The following TSC22D3 variants were observed in gnomAD, a reference collection of about 807,000 sequenced individuals.
TSC22D3 encodes TSC22 domain family protein 3.
Under a neutral mutation model 11.1 loss-of-function variants are expected in TSC22D3, and 4 were observed. The observed-to-expected ratio is 0.36, with a 90% confidence interval of 0.18 to 0.83. TSC22D3 has a LOEUF of 0.83. TSC22D3 is among the 40% of genes least tolerant of loss of function. TSC22D3 has a pLI of 0.48. For synonymous variants in TSC22D3, 77 were observed against 70.3 expected (o/e 1.10, Z -0.48); for missense variants, 118 against 159.4 (o/e 0.74, Z 1.40).
intron 1 of TSC22D3, among the ~76,000 whole-genome samples, chrX:107,744,563 A>C (rs1469364146): frequency 8.9e-6 from 1 of 112,065 alleles, no homozygotes; most frequent in East Asian, 2.8e-4. Flanking sequence ...CCATACTTAC[A>C]CACATGCTGT....
At chrX:107,744,719 C>T in intron 1 of TSC22D3, among the ~76,000 whole-genome samples, 1 of 111,722 alleles carries the variant, frequency 9.0e-6, no homozygotes, top group Admixed American at 9.5e-5. Flanking sequence ...CTAATTCCTC[C>T]TAAAGCCAGA....
At chrX:107,771,609 T>C (rs189641624) in intron 1 of TSC22D3, among the ~76,000 whole-genome samples, 18 of 109,243 alleles carry the variant, frequency 1.6e-4, no homozygotes, top group Non-Finnish European at 3.0e-4. Flanking sequence ...AATAAACAAA[T>C]AAATAAATAA....
intron 1 of TSC22D3, among the ~76,000 whole-genome samples, chrX:107,767,961 A>G (rs1196796856): frequency 8.9e-6 from 1 of 112,150 alleles, no homozygotes; most frequent in East Asian, 2.8e-4. Context: ...AAAATACCCC[A>G]TCAAATGAAC....
chrX:107,750,431 C>T (rs1197183835), intron 1 of TSC22D3, among the ~76,000 whole-genome samples: 3 of 111,074 alleles, frequency 2.7e-5, no homozygotes, highest in Non-Finnish European at 5.7e-5. Flanking sequence ...AGAAACCTGA[C>T]ACCAGCTCAG....
Position 107,714,430 on chromosome X carries a change from T to C in TSC22D3, c.*89A>G. On this transcript the variant is annotated 3_prime_UTR_variant, in exon 3 of 3. Transcript: ENST00000372383. ...TGTGCTAGGTGTAAAGTTCTCCTCG[T>C]GAGATGATGCTTGGGGAGCCAAAAA... 1 of 849,992 alleles carries C rather than the reference T, an allele frequency of 1.2e-6. No individual in the cohort carries two copies. The highest frequency in any genetic ancestry group is 3.3e-5 in the Admixed American group (1 of 30,635). The allele number at this position is 849,992 out of a possible 1,213,427, so 70.0% of individuals were successfully genotyped here.
intron 1 of TSC22D3, chrX:107,716,174 C>G (rs1034356208): frequency 1.2e-4 from 86 of 691,971 alleles, no homozygotes; most frequent in Non-Finnish European, 1.6e-4. Context: ...GCCGCCGCCC[C>G]GAGTTCCAAC....
intron 1 of TSC22D3, among the ~76,000 whole-genome samples, chrX:107,756,202 C>T (rs1231279628): frequency 3.6e-5 from 4 of 111,935 alleles, no homozygotes; most frequent in Non-Finnish European, 5.6e-5. Context: ...ACTTGTCTAC[C>T]GTTACTTGTC....
intron 1 of TSC22D3, among the ~76,000 whole-genome samples, chrX:107,768,718 C>T (rs1473944274): frequency 1.8e-5 from 2 of 112,717 alleles, no homozygotes; most frequent in African/African-American, 6.5e-5. Flanking sequence ...TCCCATAGGA[C>T]CCTATTCCCA....
chrX:107,734,548 G>C (rs1377485536), intron 1 of TSC22D3, among the ~76,000 whole-genome samples: 5 of 111,139 alleles, frequency 4.5e-5, no homozygotes, highest in Non-Finnish European at 9.4e-5. Context: ...TCTGTCTGCT[G>C]CTGGGGTCCC....
At chrX:107,742,025 T>G (rs1928421474) in intron 1 of TSC22D3, among the ~76,000 whole-genome samples, 1 of 110,995 alleles carries the variant, frequency 9.0e-6, no homozygotes, top group African/African-American at 3.3e-5. Context: ...GTGGGAGGAC[T>G]TCAGCCTTGC....
intron 1 of TSC22D3, chrX:107,721,844 G>C (rs1927345987): frequency 1.9e-6 from 1 of 514,382 alleles, no homozygotes. Flanking sequence ...GCACTGTCTA[G>C]TTCTAATTAC....
Position 107,740,785 on chromosome X carries a change from C to T in TSC22D3, c.321-24835G>A, listed in dbSNP as rs745782163. Among the ~76,000 whole-genome samples, 3 of 110,619 alleles carry T rather than the reference C, an allele frequency of 2.7e-5. No homozygotes were observed. The East Asian group carries it at 8.6e-4, about 32-fold the overall frequency. Reference sequence around the variant, plus strand: ...ACTGGTGTCTGCCATTTCACTGGTACTCATTCAGCCAAACTCTGCTAAAGA... The same window carrying T: ...ACTGGTGTCTGCCATTTCACTGGTATTCATTCAGCCAAACTCTGCTAAAGA... On this transcript the variant is annotated intron_variant, in intron 1 of 2. Coordinates refer to ENST00000372383, the MANE Select transcript of TSC22D3 (RefSeq NM_198057.3).
chrX:107,743,103 C>T (rs937295207), intron 1 of TSC22D3, among the ~76,000 whole-genome samples: 1 of 112,650 alleles, frequency 8.9e-6, no homozygotes, highest in African/African-American at 3.2e-5. Context: ...CCCGCTGCCC[C>T]ACCACGCCCA....
intron 1 of TSC22D3, among the ~76,000 whole-genome samples, chrX:107,763,217 C>T (rs908476651): frequency 1.8e-5 from 2 of 111,480 alleles, no homozygotes; most frequent in Non-Finnish European, 3.8e-5. Context: ...TCCACCCCAC[C>T]CTTAAACTTC....
At chrX:107,727,228 A>C (rs1379146757) in intron 1 of TSC22D3, among the ~76,000 whole-genome samples, 1 of 111,048 alleles carries the variant, frequency 9.0e-6, no homozygotes, top group Non-Finnish European at 1.9e-5. Context: ...ATTGAGAGGG[A>C]CTCCCTTGAT....
chrX:107,755,300 C>A (rs193036779), intron 1 of TSC22D3, among the ~76,000 whole-genome samples: 1 of 112,370 alleles, frequency 8.9e-6, no homozygotes, highest in East Asian at 2.8e-4. Flanking sequence ...GAACAAAGGA[C>A]TTTGTGGTAT....
chrX:107,739,759 C>T (rs866524905), intron 1 of TSC22D3, among the ~76,000 whole-genome samples: 72 of 112,624 alleles, frequency 6.4e-4, no homozygotes, highest in African/African-American at 2.3e-3. Flanking sequence ...GCCTCAGGCT[C>T]TTGACTTCTG....
chrX:107,766,446 G>T (rs1929655065), intron 1 of TSC22D3, among the ~76,000 whole-genome samples: 1 of 96,269 alleles, frequency 1.0e-5, no homozygotes, highest in African/African-American at 4.7e-5. Context: ...TCAGCCTGGA[G>T]TTTCCGCCCC....
At chrX:107,771,086 C>T (rs146934443) in intron 1 of TSC22D3, among the ~76,000 whole-genome samples, 1,676 of 112,083 alleles carry the variant, frequency 0.015, 28 homozygotes, top group African/African-American at 0.052. Flanking sequence ...TGGAAAGGTT[C>T]TGAGCTCACA....
Sources: allele counts gnomAD v4.1 joint callset (sites outside exome capture counted in the v4.1 genomes callset), GRCh38; gene constraint gnomAD v4.1.1; transcripts MANE v1.5; gene names NCBI Gene and HGNC (gene_info 2026-07-23, HGNC 2026-07-21).